Variants in ANO3 observed in about 807,000 individuals in gnomAD.
ANO3 encodes anoctamin 3.
Under a neutral mutation model 144.8 loss-of-function variants are expected in ANO3, and 99 were observed. The ratio of observed to expected loss-of-function variants is 0.68; its 90% confidence interval spans 0.58 to 0.81. ANO3 has a LOEUF of 0.81. Ranked by LOEUF, ANO3 falls within the 30% of genes least tolerant of loss-of-function variation. The probability of loss-of-function intolerance (pLI) is 0.00; values close to 1 mark genes in which losing one functional copy is unlikely to be tolerated. For synonymous variants in ANO3, 414 were observed against 392.6 expected (o/e 1.05, Z -0.64); for missense variants, 905 against 1,202.2 (o/e 0.75, Z 3.66).
intron 1 of ANO3, among the ~76,000 whole-genome samples, chr11:26,391,585 T>A (rs1008762934): frequency 1.3e-5 from 2 of 152,114 alleles, no homozygotes; most frequent in Non-Finnish European, 2.9e-5. Flanking sequence ...TGGCAATGGT[T>A]TGATACCAAC....
intron 17 of ANO3, among the ~76,000 whole-genome samples, chr11:26,603,459 A>C (rs1237451979): frequency 8.4e-6 from 1 of 119,108 alleles, no homozygotes; most frequent in African/African-American, 3.2e-5. Context: ...ATTCATATAG[A>C]AGGATTATCA....
intron 4 of ANO3, among the ~76,000 whole-genome samples, chr11:26,487,634 C>T (rs980652576): frequency 3.3e-5 from 5 of 151,940 alleles, no homozygotes; most frequent in Admixed American, 1.3e-4. Context: ...AAAAAAATGC[C>T]GATAGTGATA....
chr11:26,632,874 GTGTTAA>G (rs150268066), intron 18 of ANO3, among the ~76,000 whole-genome samples: 1,873 of 152,238 alleles, frequency 0.012, 44 homozygotes, highest in African/African-American at 0.043. Flanking sequence ...AATAAGTTTT[GTGTTAA>G]TGAACTAAAT....
chr11:26,539,152 A>G (rs1320154006), intron 10 of ANO3, among the ~76,000 whole-genome samples: 2 of 151,586 alleles, frequency 1.3e-5, no homozygotes, highest in Non-Finnish European at 2.9e-5. Context: ...ACACACACAC[A>G]CACACACACA....
In ANO3 at chr11:26,300,925, C is replaced by CGCCTCT. The variant is rs1564955763; in HGVS notation, c.155-8720_155-8719insGCCTCT. 2.6e-4 allele frequency among the ~76,000 whole-genome samples: 38 copies of CGCCTCT among 146,642 alleles called. 1 individual carries two copies. The highest frequency in any genetic ancestry group is 6.3e-4 in the African/African-American group (24 of 38,190). ...CTGAAGTGCAGTGGTGCAATTTCCA[C>CGCCTCT]TCACTGCCACCTCTGCCTCCTGGGC... On this transcript the variant is annotated intron_variant, in intron 1 of 27. Transcript: ENST00000672621.
intron 4 of ANO3, among the ~76,000 whole-genome samples, chr11:26,500,883 A>T (rs537243345): frequency 6.6e-6 from 1 of 152,256 alleles, no homozygotes; most frequent in East Asian, 1.9e-4. Flanking sequence ...GTAGCTGTAA[A>T]ATAAGTTTTA....
chr11:26,364,453 T>C (rs926955338), intron 1 of ANO3, among the ~76,000 whole-genome samples: 1 of 152,216 alleles, frequency 6.6e-6, no homozygotes, highest in Non-Finnish European at 1.5e-5. Flanking sequence ...AAAGAAATAC[T>C]TGAGAGAAAG....
chr11:26,521,675 A>C (rs1862081124), intron 6 of ANO3, among the ~76,000 whole-genome samples: 1 of 152,100 alleles, frequency 6.6e-6, no homozygotes, highest in African/African-American at 2.4e-5. Context: ...CATTCCAGAC[A>C]TGTCAGATCA....
intron 4 of ANO3, among the ~76,000 whole-genome samples, chr11:26,476,932 TGA>T (rs34338490): frequency 0.3 from 39,887 of 133,138 alleles, 5,344 homozygotes; most frequent in Non-Finnish European, 0.34. Context: ...TGTGTGTGTG[TGA>T]GAGAGAGAGA....
chr11:26,532,541 G>A (rs888803557), intron 8 of ANO3, among the ~76,000 whole-genome samples: 1 of 151,770 alleles, frequency 6.6e-6, no homozygotes, highest in African/African-American at 2.4e-5. Context: ...TATTTACTAT[G>A]TGGGCATAGA....
intron 16 of ANO3, 49 bp from the exon 17 acceptor site, chr11:26,599,501 T>G: frequency 1.3e-6 from 2 of 1,576,102 alleles, no homozygotes; most frequent in Non-Finnish European, 1.7e-6. Flanking sequence ...GCTTTTGACT[T>G]GTTAATGATG....
Position 26,510,147 on chromosome 11 carries a change from A to AG in ANO3, c.591+1885_591+1886insG, listed in dbSNP as rs1350469688. Among the ~76,000 whole-genome samples, 375 of 147,828 alleles carry AG rather than the reference A, an allele frequency of 2.5e-3. 12 individuals are homozygous for AG. The highest frequency in any genetic ancestry group is 8.8e-3 in the African/African-American group (354 of 40,130). ...GACTCCATCTCAAAAAAAAAAAAAA[A>AG]AAAAAAGAGTAGAAAAGAAAAACTA... is the stretch of plus-strand genomic sequence containing the variant. On this transcript the variant is annotated intron_variant, in intron 5 of 26. Coordinates refer to ENST00000256737, the MANE Select transcript of ANO3 (RefSeq NM_031418.4).
chr11:26,600,410 C>T (rs114174340), intron 17 of ANO3, among the ~76,000 whole-genome samples: 3,673 of 59,186 alleles, frequency 0.062, 328 homozygotes, highest in Non-Finnish European at 0.1. Context: ...ACCTCCCTTC[C>T]CCTGCCCTCC....
chr11:26,589,399 A>T (rs1015738480), intron 14 of ANO3, among the ~76,000 whole-genome samples: 1 of 148,308 alleles, frequency 6.7e-6, no homozygotes, highest in Non-Finnish European at 1.5e-5. Context: ...AAAAAACCTC[A>T]GTACCCCAAT....
rs1451531430 is a variant in ANO3 at position 26,527,453 on chromosome 11, T to C, written c.737+1774T>C. 3.3e-5 allele frequency among the ~76,000 whole-genome samples: 5 copies of C among 152,178 alleles called. No homozygotes were observed. The South Asian group carries it at 1.0e-3, about 32-fold the overall frequency. On this transcript the variant is annotated intron_variant, in intron 7 of 26. Transcript: ENST00000256737. The stretch of plus-strand genomic sequence containing the variant: ...TATTCTATGTCTTTGTGGATTCATG[T>C]GGGAGAGGTAGGGAATAAATAGAAA...
chr11:26,546,089 C>T (rs2703404), intron 11 of ANO3, among the ~76,000 whole-genome samples: 107,915 of 151,684 alleles, frequency 0.71, 38,689 homozygotes, highest in East Asian at 0.84. Context: ...TCACCAAAAT[C>T]ATAAAGGTCC....
At chr11:26,545,129 T>C (rs1241511887) in intron 11 of ANO3, among the ~76,000 whole-genome samples, 1 of 152,052 alleles carries the variant, frequency 6.6e-6, no homozygotes, top group Admixed American at 6.6e-5. Flanking sequence ...TTGTAACTAC[T>C]TATTTTGAGT....
Position 26,271,783 on chromosome 11 carries a change from A to ATTT in ANO3, c.155-37862_155-37861insTTT, listed in dbSNP as rs1228206048. Among the ~76,000 whole-genome samples, 519 of 152,126 alleles carry ATTT rather than the reference A, an allele frequency of 3.4e-3. 1 individual carries two copies. Among genetic ancestry groups the ATTT allele is most frequent in the African/African-American group, 0.012 (499 of 41,526 alleles). ...TTAAGGGTAAATATTCTTTCCGCCTAGCACAGTAATTTGTATATCTGAGAA... is the reference window on the plus strand; with the variant it reads ...TTAAGGGTAAATATTCTTTCCGCCTATTTGCACAGTAATTTGTATATCTGAGAA... On this transcript the variant is annotated intron_variant, in intron 1 of 27. Coordinates refer to the ANO3 transcript ENST00000672621.
intron 1 of ANO3, among the ~76,000 whole-genome samples, chr11:26,253,566 A>G (rs2133821403): frequency 6.6e-6 from 1 of 152,262 alleles, no homozygotes; most frequent in South Asian, 2.1e-4. Flanking sequence ...TAAACTTAAA[A>G]AAAAAAAAAA....
Sources: gnomAD v4.1 joint callset for allele counts (sites outside exome capture counted in the v4.1 genomes callset) on GRCh38, gnomAD v4.1.1 for gene constraint, MANE v1.5 for transcripts, NCBI Gene and HGNC (gene_info 2026-07-23, HGNC 2026-07-21) for gene names.